Variants in ANKRD11 observed in about 807,000 individuals in gnomAD.
ANKRD11 encodes the protein ankyrin repeat domain 11, also known as ankyrin repeat domain-containing protein 11.
A neutral mutation model predicts 195.7 loss-of-function variants in ANKRD11; 17 were observed. The observed-to-expected ratio is 0.09, with a 90% CI of 0.06 to 0.13. ANKRD11 has a LOEUF of 0.13. Among genes scored for constraint, ANKRD11 ranks in the 10% least tolerant of loss-of-function variants. The pLI is 1.00. For synonymous variants in ANKRD11, 1,953 were observed against 1,528.1 expected (o/e 1.28, Z -6.49); for missense variants, 3,735 against 3,566.1 (o/e 1.05, Z -1.21).
At chr16:89,435,186 G>A (rs986308097) in intron 1 of ANKRD11, among the ~76,000 whole-genome samples, 3 of 152,094 alleles carry the variant, frequency 2.0e-5, no homozygotes, top group Non-Finnish European at 2.9e-5. Context: ...CTGTAAAAAC[G>A]CACCAATCAG....
At chr16:89,483,686 G>C (rs2057515539) in intron 1 of ANKRD11, among the ~76,000 whole-genome samples, 1 of 152,144 alleles carries the variant, frequency 6.6e-6, no homozygotes, top group Non-Finnish European at 1.5e-5. Flanking sequence ...AAATTAGCCA[G>C]GAGTGGTGGC....
chr16:89,337,007 CAAAAAAAAAAAAAA>C (rs60248736), intron 2 of ANKRD11, among the ~76,000 whole-genome samples: 1,019 of 47,802 alleles, frequency 0.021, 31 homozygotes, highest in African/African-American at 0.077. Context: ...CTGGCTCTAC[CAAAAAAAAAAAAAA>C]AAAAAAAAAA....
chr16:89,420,905 C>T (rs998674034), intron 1 of ANKRD11, among the ~76,000 whole-genome samples: 4 of 152,226 alleles, frequency 2.6e-5, no homozygotes, highest in African/African-American at 9.6e-5. Flanking sequence ...CACATCAAAA[C>T]CACCACCACG....
intron 4 of ANKRD11, among the ~76,000 whole-genome samples, chr16:89,296,960 A>G (rs1376663227): frequency 6.6e-6 from 1 of 152,216 alleles, no homozygotes; most frequent in East Asian, 1.9e-4. Context: ...CTGGGGGGAC[A>G]GTGTCTACCC....
intron 1 of ANKRD11, among the ~76,000 whole-genome samples, chr16:89,423,839 G>A (rs189448913): frequency 1.3e-5 from 2 of 152,302 alleles, no homozygotes; most frequent in Admixed American, 6.5e-5. Flanking sequence ...CGCACGGCTC[G>A]TGCACCTAGA....
intron 2 of ANKRD11, chr16:89,324,439 G>A: frequency 2.2e-6 from 1 of 464,938 alleles, no homozygotes. Context: ...CAAGGTAAGT[G>A]TGAGGGTTAC....
rs529279936 is a variant in ANKRD11, at chr16:89,282,381, C to T, written c.4161G>A (p.Lys1387=). The T allele has an allele frequency of 5.6e-6, 9 of 1,614,186 alleles. No homozygotes were observed. The East Asian group carries it at 1.6e-4, about 28-fold the overall frequency. Reference sequence around the variant, plus strand: ...AGTCCTTTTCGTACTGGCCGGAGTCCTTCCTGCTACCGCCCTCCTTGTAAT... The same window carrying T: ...AGTCCTTTTCGTACTGGCCGGAGTCTTTCCTGCTACCGCCCTCCTTGTAAT... ...GEDYKEGGSR[K]DSGQYEKDFL... Residue 1387 remains lysine (K), a synonymous_variant, in exon 9 of 13, where the codon AAG becomes AAA. Coordinates refer to ENST00000301030, the MANE Select transcript of ANKRD11 (RefSeq NM_013275.6).
intron 3 of ANKRD11, among the ~76,000 whole-genome samples, chr16:89,307,038 G>A (rs932108326): frequency 4.0e-5 from 6 of 149,072 alleles, no homozygotes; most frequent in Admixed American, 3.3e-4. Flanking sequence ...CACACACAGC[G>A]CTCGGGACGT....
chr16:89,464,618 A>AG (rs1370418662), intron 1 of ANKRD11, among the ~76,000 whole-genome samples: 1 of 151,484 alleles, frequency 6.6e-6, no homozygotes, highest in African/African-American at 2.4e-5. Flanking sequence ...AAAAAAAAAA[A>AG]AAAAAGAAAA....
intron 1 of ANKRD11, among the ~76,000 whole-genome samples, chr16:89,479,998 C>A (rs1380552193): frequency 2.0e-5 from 3 of 150,798 alleles, no homozygotes; most frequent in Non-Finnish European, 4.4e-5. Flanking sequence ...CTAATCCCAG[C>A]TACTCGGGAG....
chr16:89,366,130 A>C (rs2039939246), intron 2 of ANKRD11, among the ~76,000 whole-genome samples: 2 of 91,718 alleles, frequency 2.2e-5, no homozygotes. Context: ...ACTCCATCTC[A>C]AAAAAAAAAA....
intron 2 of ANKRD11, among the ~76,000 whole-genome samples, chr16:89,345,816 G>C (rs1484738067): frequency 1.3e-5 from 2 of 152,140 alleles, no homozygotes; most frequent in Non-Finnish European, 2.9e-5. Context: ...ATCAATGCTA[G>C]GTACAGACTT....
intron 2 of ANKRD11, among the ~76,000 whole-genome samples, chr16:89,413,487 T>C (rs1000120244): frequency 3.9e-5 from 6 of 152,066 alleles, no homozygotes; most frequent in Admixed American, 1.3e-4. Context: ...TAGCCGGGCG[T>C]GGTGGCGGGC....
intron 2 of ANKRD11, among the ~76,000 whole-genome samples, chr16:89,364,401 GA>G (rs1441387939): frequency 1.3e-5 from 2 of 152,202 alleles, no homozygotes; most frequent in Non-Finnish European, 2.9e-5. Flanking sequence ...ATAGGTAACT[GA>G]AACACATCCT....
At position 89,282,412 on chromosome 16, in the gene ANKRD11, C is replaced by CCCTTCTCTTTCTTCTCGG. The variant is rs754339551; in HGVS notation, c.4112_4129dup (p.Ala1371_Lys1376dup). Reference sequence around the variant, plus strand: ...GCTACCGCCCTCCTTGTAATCTTCGCCCTTCTCTTTCTTCTCGGCCTTCTC... The same window carrying CCCTTCTCTTTCTTCTCGG: ...GCTACCGCCCTCCTTGTAATCTTCGCCCTTCTCTTTCTTCTCGGCCTTCTCTTTCTTCTCGGCCTTCTC... On this transcript the variant is annotated inframe_insertion, in exon 9 of 13. Coordinates refer to ENST00000301030, the MANE Select transcript of ANKRD11 (RefSeq NM_013275.6). 6.2e-7 allele frequency: 1 copy of CCCTTCTCTTTCTTCTCGG among 1,613,284 alleles called. No homozygotes were observed. The highest frequency in any genetic ancestry group is 1.3e-5 in the African/African-American group (1 of 74,890).
At position 89,280,544 on chromosome 16, in the gene ANKRD11, G is replaced by A. The variant is rs777086823; in HGVS notation, c.5998C>T (p.Leu2000Phe). 3.7e-5 allele frequency: 59 copies of A among 1,612,698 alleles called. No homozygotes were observed. In the Admixed American group the frequency reaches 9.2e-4, roughly 25 times the overall value. ...AAGGGCCCTGGGGCGGCAGAGTGGA[G>A]GGGGTCCGCGGGGCAGAAACGCTTT... ...SPKRFCPADP[L>F]HSAAPGPFSA... The change falls in exon 9 of 13, where the codon CTC becomes TTC. Residue 2000 changes from leucine (L) to phenylalanine (F), a missense_variant. Physicochemically the swap from Leu to Phe is conservative, Grantham distance 22. Transcript: ENST00000301030.
intron 2 of ANKRD11, among the ~76,000 whole-genome samples, chr16:89,318,194 C>T (rs949311804): frequency 2.6e-5 from 4 of 152,172 alleles, no homozygotes; most frequent in African/African-American, 7.2e-5. Flanking sequence ...TCTTCTGTGG[C>T]GATGCCAACT....
rs62068637 is a variant in ANKRD11, at chr16:89,429,111, C to T, written c.-144-10743G>A. 6.5e-3 allele frequency among the ~76,000 whole-genome samples: 950 copies of T among 146,996 alleles called. 34 individuals are homozygous for T. Among genetic ancestry groups the T allele is most frequent in the East Asian group, 0.05 (214 of 4,238 alleles). ...GGGATTCTCAACTCTCACGCTCAGA[C>T]GTTCTAGTACACAGCAGGGACTCTC... On this transcript the variant is annotated intron_variant, in intron 1 of 12. Transcript: ENST00000301030.
At chr16:89,437,725 C>G (rs2043275710) in intron 1 of ANKRD11, among the ~76,000 whole-genome samples, 1 of 152,182 alleles carries the variant, frequency 6.6e-6, no homozygotes, top group Non-Finnish European at 1.5e-5. Flanking sequence ...TGGCCACTCT[C>G]ATTTCTCACT....
Sources: allele counts gnomAD v4.1 joint callset (sites outside exome capture counted in the v4.1 genomes callset), GRCh38; gene constraint gnomAD v4.1.1; transcripts MANE v1.5; gene names NCBI Gene and HGNC (gene_info 2026-07-23, HGNC 2026-07-21).